Variants in RCAN2 observed in about 807,000 individuals in gnomAD.
RCAN2 encodes calcipressin-2.
In RCAN2, 9 loss-of-function variants were observed where a neutral mutation model predicts 23.6. That is an observed-to-expected ratio of 0.38 (90% CI 0.23 to 0.67). The LOEUF is 0.67. RCAN2 is among the 30% of genes least tolerant of loss of function. RCAN2 has a pLI of 0.51. For missense variants in RCAN2, 273 were observed against 302.3 expected (o/e 0.90, Z 0.72); for synonymous variants, 109 against 115.7 (o/e 0.94, Z 0.37).
chr6:46,474,443 A>G (rs1185043607), intron 1 of RCAN2, among the ~76,000 whole-genome samples: 1 of 152,186 alleles, frequency 6.6e-6, no homozygotes, highest in Non-Finnish European at 1.5e-5. Context: ...TTCTTGAAGC[A>G]ACAGAGTGCT....
At chr6:46,478,638 T>G (rs1238188741) in intron 1 of RCAN2, among the ~76,000 whole-genome samples, 1 of 152,128 alleles carries the variant, frequency 6.6e-6, no homozygotes, top group Non-Finnish European at 1.5e-5. Flanking sequence ...TGCTCCAAAG[T>G]CTTACTGGAA....
At chr6:46,268,865 G>T (rs1767431265) in intron 2 of RCAN2, among the ~76,000 whole-genome samples, 1 of 152,088 alleles carries the variant, frequency 6.6e-6, no homozygotes, top group African/African-American at 2.4e-5. Context: ...GGAAGGCAGG[G>T]GTCAGCAAAC....
At chr6:46,483,395 C>T (rs1464995057) in intron 1 of RCAN2, among the ~76,000 whole-genome samples, 1 of 152,138 alleles carries the variant, frequency 6.6e-6, no homozygotes, top group Non-Finnish European at 1.5e-5. Flanking sequence ...GAACAACAGA[C>T]ACTGAACCTC....
At position 46,383,485 on chromosome 6, in the gene RCAN2, G is replaced by C. The variant is rs114427885; in HGVS notation, c.225+73267C>G. Among the ~76,000 whole-genome samples, 780 of 152,142 alleles carry C rather than the reference G, an allele frequency of 5.1e-3. 4 individuals carry two copies. The highest frequency in any genetic ancestry group is 9.2e-3 in the Non-Finnish European group (628 of 68,002). On this transcript the variant is annotated intron_variant, in intron 2 of 4. Transcript: ENST00000371374. ...GGCAAGAAAGATATGAATATTAAAG[G>C]TTAGAAGCATAATTCTAGTCATCTG...
chr6:46,441,281 T>C lies in RCAN2; in HGVS notation c.225+15471A>G, dbSNP rs150109282. 2.1e-3 allele frequency among the ~76,000 whole-genome samples: 316 copies of C among 152,326 alleles called. 9 individuals are homozygous for C. The highest frequency in any genetic ancestry group is 0.018 in the Admixed American group (275 of 15,304). ...ACTGAGTTTCAAAGATATTTTTAAG[T>C]TGGCAAAGATGAAATAACTACTACA... On this transcript the variant is annotated intron_variant, in intron 2 of 4. Coordinates refer to ENST00000371374, the MANE Select transcript of RCAN2 (RefSeq NM_001251974.2).
chr6:46,333,677 A>G (rs1764056091), intron 2 of RCAN2, among the ~76,000 whole-genome samples: 1 of 152,234 alleles, frequency 6.6e-6, no homozygotes, highest in South Asian at 2.1e-4. Flanking sequence ...TTCAGAATGC[A>G]TTGGACATTT....
At chr6:46,337,765 G>T (rs74914710) in intron 2 of RCAN2, among the ~76,000 whole-genome samples, 3,689 of 152,254 alleles carry the variant, frequency 0.024, 142 homozygotes, top group African/African-American at 0.08. Context: ...GTCTTCTGAA[G>T]GTCAGTGTCA....
rs563721854 is a variant in RCAN2, at chr6:46,259,625, G to A, written c.226-10729C>T. Among the ~76,000 whole-genome samples, 6 of 152,274 alleles carry A rather than the reference G, an allele frequency of 3.9e-5. No homozygotes were observed. In the South Asian group the frequency reaches 6.2e-4, roughly 16 times the overall value. ...AGTTCTCTGTAGACACCCACTGGAT[G>A]TCTTACGCTTTAACTCAATTCTGAC... On this transcript the variant is annotated intron_variant, in intron 2 of 4. Coordinates refer to ENST00000371374, the MANE Select transcript of RCAN2 (RefSeq NM_001251974.2).
intron 1 of RCAN2, among the ~76,000 whole-genome samples, chr6:46,461,950 A>G (rs1350134881): frequency 6.6e-6 from 1 of 152,200 alleles, no homozygotes; most frequent in Non-Finnish European, 1.5e-5. Flanking sequence ...ACAGATCTAC[A>G]TGAAAGTCTT....
intron 2 of RCAN2, among the ~76,000 whole-genome samples, chr6:46,384,047 G>T (rs909281622): frequency 9.2e-5 from 14 of 152,138 alleles, no homozygotes; most frequent in Non-Finnish European, 1.6e-4. Flanking sequence ...CAGCCAGGAG[G>T]GATCCCGCGC....
intron 2 of RCAN2, among the ~76,000 whole-genome samples, chr6:46,349,518 G>A (rs953763012): frequency 1.3e-5 from 2 of 151,452 alleles, no homozygotes; most frequent in East Asian, 1.9e-4. Context: ...CATTCCACAC[G>A]TATTTCTATG....
intron 2 of RCAN2, among the ~76,000 whole-genome samples, chr6:46,251,688 G>A (rs1766727746): frequency 2.0e-5 from 3 of 152,072 alleles, no homozygotes; most frequent in Admixed American, 1.3e-4. Flanking sequence ...ACTGCATTAG[G>A]AGCAAAGAAT....
intron 2 of RCAN2, among the ~76,000 whole-genome samples, chr6:46,420,536 C>CTGATTAACT (rs1313038193): frequency 1.9e-4 from 29 of 150,426 alleles, no homozygotes; most frequent in African/African-American, 7.1e-4. Context: ...TCAATGTCTT[C>CTGATTAACT]TGATTAACTT....
chr6:46,303,040 C>A (rs1762955960), intron 2 of RCAN2, among the ~76,000 whole-genome samples: 1 of 151,882 alleles, frequency 6.6e-6, no homozygotes. Flanking sequence ...CAGTGAGGGG[C>A]AGAAAGAAAT....
chr6:46,351,451 T>A (rs1018237859), intron 2 of RCAN2, among the ~76,000 whole-genome samples: 3 of 152,242 alleles, frequency 2.0e-5, no homozygotes, highest in African/African-American at 7.2e-5. Flanking sequence ...ATGTTTTATT[T>A]AGATTCTAAT....
At chr6:46,382,396 G>T (rs1582157005) in intron 2 of RCAN2, among the ~76,000 whole-genome samples, 1 of 152,146 alleles carries the variant, frequency 6.6e-6, no homozygotes, top group Non-Finnish European at 1.5e-5. Context: ...ATACAGCTAA[G>T]TCCTAGAACC....
At chr6:46,375,565 G>T (rs1765434323) in intron 2 of RCAN2, among the ~76,000 whole-genome samples, 1 of 152,072 alleles carries the variant, frequency 6.6e-6, no homozygotes, top group African/African-American at 2.4e-5. Context: ...ATTTTTCTCT[G>T]CCCCACATAC....
chr6:46,395,265 G>C (rs1393540053), intron 2 of RCAN2, among the ~76,000 whole-genome samples: 1 of 152,162 alleles, frequency 6.6e-6, no homozygotes, highest in Non-Finnish European at 1.5e-5. Context: ...TAGGGTAAGA[G>C]AGGAGGGAAA....
chr6:46,453,174 G>A (rs913998879), intron 2 of RCAN2, among the ~76,000 whole-genome samples: 1 of 152,214 alleles, frequency 6.6e-6, no homozygotes, highest in African/African-American at 2.4e-5. Context: ...ACCCAGGGGA[G>A]TGCTCTGAAG....
Sources: gnomAD v4.1 joint callset for allele counts (sites outside exome capture counted in the v4.1 genomes callset) on GRCh38, gnomAD v4.1.1 for gene constraint, MANE v1.5 for transcripts, NCBI Gene and HGNC (gene_info 2026-07-23, HGNC 2026-07-21) for gene names.